The following AFF4 variants were observed in gnomAD, a reference collection of about 807,000 sequenced individuals.
AFF4 encodes AF4/FMR2 family member 4.
In AFF4, 13 loss-of-function variants were observed where a neutral mutation model predicts 124.8. The ratio of observed to expected loss-of-function variants is 0.10; its 90% CI spans 0.07 to 0.17. The LOEUF (loss-of-function observed/expected upper bound fraction) is 0.17. Ranked by LOEUF, AFF4 falls within the 10% of genes least tolerant of loss-of-function variation. The pLI is 1.00. For synonymous variants in AFF4, 477 were observed against 496.1 expected (o/e 0.96, Z 0.51); for missense variants, 1,092 against 1,403.8 (o/e 0.78, Z 3.55).
chr5:132,915,306 A>C (rs1464185048), intron 5 of AFF4, among the ~76,000 whole-genome samples: 2 of 151,894 alleles, frequency 1.3e-5, no homozygotes, highest in Admixed American at 1.3e-4. Context: ...ACACCACTGC[A>C]CTCCAGCCTG....
Position 132,884,979 on chromosome 5 carries a change from T to C in AFF4, c.3143+97A>G, listed in dbSNP as rs150403353. ...ATTTTATCAGAGATGGTTTTACTTA[T>C]TTAAAAAGTAGTCATCTTTCCATTT... On this transcript the variant is annotated intron_variant, in intron 19 of 20. Transcript: ENST00000265343. 4.7e-3 allele frequency: 3,481 copies of C among 746,538 alleles called. 24 individuals carry two copies. Among genetic ancestry groups the C allele is most frequent in the Non-Finnish European group, 3.7e-3 (1,679 of 458,772 alleles). 46.2% of individuals were successfully genotyped at this position (746,538 alleles called of 1,614,324 possible).
rs965661167 is a variant in AFF4, at chr5:132,878,838, A to C, written c.*2221T>G. The C allele has an allele frequency of 4.5e-6, 1 of 223,944 alleles. No individual in the cohort carries two copies. The highest frequency in any genetic ancestry group is 2.2e-5 in the African/African-American group (1 of 44,882). The allele number at this position is 223,944 out of a possible 1,614,324, so 13.9% of individuals were successfully genotyped here. A position where few individuals can be genotyped will look rare whatever the true frequency, so the allele number is the denominator to read the frequency against. On this transcript the variant is annotated 3_prime_UTR_variant, in exon 21 of 21. Coordinates refer to ENST00000265343, the MANE Select transcript of AFF4 (RefSeq NM_014423.4). ...CAGGACATACAAGAGACTAGAACAC[A>C]AGAACTCAGAGGTATCCCACTGGCT...
At chr5:132,895,476 A>C (rs1240405254) in intron 11 of AFF4, among the ~76,000 whole-genome samples, 1 of 152,182 alleles carries the variant, frequency 6.6e-6, no homozygotes, top group Non-Finnish European at 1.5e-5. Context: ...TTCTAAGTTT[A>C]CTTACTTGGT....
chr5:132,961,480 G>T (rs1254019655), intron 1 of AFF4, among the ~76,000 whole-genome samples: 1 of 152,064 alleles, frequency 6.6e-6, no homozygotes, highest in Admixed American at 6.6e-5. Context: ...GCCTCTCAAA[G>T]TGCTAAAGTG....
At chr5:132,896,212 T>G in intron 11 of AFF4, 111 bp downstream of exon 11, 2 of 1,323,346 alleles carry the variant, frequency 1.5e-6, no homozygotes, top group Non-Finnish European at 2.1e-6. Context: ...GTTTACCCAC[T>G]ATTTTCCTTC....
At chr5:132,907,365 C>T (rs1300100551) in intron 5 of AFF4, among the ~76,000 whole-genome samples, 2 of 152,094 alleles carry the variant, frequency 1.3e-5, no homozygotes, top group Non-Finnish European at 2.9e-5. Context: ...AAGGATGAAA[C>T]CCAAACTCTC....
intron 18 of AFF4, 50 bp downstream of exon 18, chr5:132,886,260 C>T: frequency 6.5e-7 from 1 of 1,540,522 alleles, no homozygotes; most frequent in South Asian, 1.2e-5. Flanking sequence ...GGATGGGAGA[C>T]TACAAATTCT....
chr5:132,963,238 C>CA (rs1289444382), intron 1 of AFF4, 21 bp downstream of exon 1: 1 of 391,534 alleles, frequency 2.6e-6, no homozygotes, highest in Non-Finnish European at 4.5e-6. Context: ...GGCCCTGGGT[C>CA]AGTCTGTCGG....
intron 1 of AFF4, among the ~76,000 whole-genome samples, chr5:132,960,150 A>G (rs1762051609): frequency 6.6e-6 from 1 of 152,134 alleles, no homozygotes; most frequent in South Asian, 2.1e-4. Flanking sequence ...TTCTTTCACA[A>G]TAACTGAGAC....
At chr5:132,913,615 TA>T (rs1221794617) in intron 5 of AFF4, among the ~76,000 whole-genome samples, 1 of 152,186 alleles carries the variant, frequency 6.6e-6, no homozygotes, top group African/African-American at 2.4e-5. Flanking sequence ...GGCTGATTTT[TA>T]AATTTTTGGC....
chr5:132,945,848 G>T lies in AFF4; in HGVS notation c.-4-8655C>A, dbSNP rs539683234. Among the ~76,000 whole-genome samples the T allele has an allele frequency of 3.9e-5, 6 of 152,072 alleles. No individual in the cohort carries two copies. In the East Asian group the frequency reaches 1.2e-3, roughly 29 times the overall value. The stretch of plus-strand genomic sequence containing the variant: ...GGCTGAGGCAGGCGGATCATCTGAG[G>T]TCAGGAGTTTGAGACTAGCCTGACC... On this transcript the variant is annotated intron_variant, in intron 1 of 20. Coordinates refer to ENST00000265343, the MANE Select transcript of AFF4 (RefSeq NM_014423.4).
At chr5:132,914,059 C>A (rs1034712714) in intron 5 of AFF4, among the ~76,000 whole-genome samples, 1 of 151,826 alleles carries the variant, frequency 6.6e-6, no homozygotes, top group African/African-American at 2.4e-5. Flanking sequence ...GAAACCCAGT[C>A]TCTACTAAAA....
Position 132,878,611 on chromosome 5 carries a change from A to C in AFF4, c.*2448T>G. The C allele has an allele frequency of 4.4e-6, 1 of 229,416 alleles. No homozygotes were observed. Among genetic ancestry groups the C allele is most frequent in the South Asian group, 1.8e-4 (1 of 5,500 alleles). 14.2% of individuals were successfully genotyped at this position (229,416 alleles called of 1,614,324 possible). On this transcript the variant is annotated 3_prime_UTR_variant, in exon 21 of 21. Transcript: ENST00000265343. Reference sequence around the variant, plus strand: ...CCACACACTATGACATTGAAAATTCAATCATTTATGATAGGATTTTGATCC... The same window carrying C: ...CCACACACTATGACATTGAAAATTCCATCATTTATGATAGGATTTTGATCC...
rs1313597311 is a variant in AFF4 at position 132,898,354 on chromosome 5, T to C, written c.1265A>G (p.Asp422Gly). The C allele has an allele frequency of 1.2e-6, 2 of 1,614,148 alleles. No individual in the cohort carries two copies. The highest frequency in any genetic ancestry group is 1.3e-5 in the African/African-American group (1 of 74,946). ...GCTACTAGAATCATCCCTGGAGTTA[T>C]CTGCTCCTTCACTATTATGGTGTGA... Reference protein sequence around the residue: ...EPSHHNSEGADNSRDDSSSHS... With the variant: ...EPSHHNSEGAGNSRDDSSSHS... Residue 422 changes from aspartate (D) to glycine (G), a missense_variant, in exon 10 of 21, where the codon GAT (aspartate) becomes GGT (glycine). Physicochemically the swap from Asp to Gly is moderately conservative, Grantham distance 94. Around this residue, in one of 11 missense-constraint regions of AFF4, gnomAD observed 148 missense variants for 196.3 expected, o/e 0.75. Transcript: ENST00000265343.
rs181499967 is a variant in AFF4 at position 132,888,008 on chromosome 5, G to C, written c.2797-26C>G. 1,312 of 1,612,390 alleles carry C rather than the reference G, an allele frequency of 8.1e-4. 4 individuals carry two copies. Among genetic ancestry groups the C allele is most frequent in the Non-Finnish European group, 7.1e-4 (843 of 1,179,118 alleles). Reference sequence around the variant, plus strand: ...CTGAAGAAAGGAGAATGCAAGTAATGAGTAATGATCTACTATGGCTACAAA... The same window carrying C: ...CTGAAGAAAGGAGAATGCAAGTAATCAGTAATGATCTACTATGGCTACAAA... On this transcript the variant is annotated intron_variant, in intron 15 of 20. Coordinates refer to ENST00000265343, the MANE Select transcript of AFF4 (RefSeq NM_014423.4).
chr5:132,898,049 C>T lies in AFF4; in HGVS notation c.1389+181G>A, dbSNP rs553230779. On this transcript the variant is annotated intron_variant, in intron 10 of 20. Coordinates refer to ENST00000265343, the MANE Select transcript of AFF4 (RefSeq NM_014423.4). The stretch of plus-strand genomic sequence containing the variant: ...ATGCCAAGCAGTTCCTAATCTAGAC[C>T]GAATTTGTTCAAACAACAAGGAACC... Among the ~76,000 whole-genome samples the T allele has an allele frequency of 9.9e-4, 151 of 152,272 alleles. 1 individual carries two copies. The highest frequency in any genetic ancestry group is 3.5e-3 in the African/African-American group (144 of 41,548).
chr5:132,960,251 G>A (rs957696777), intron 1 of AFF4, among the ~76,000 whole-genome samples: 7 of 152,124 alleles, frequency 4.6e-5, no homozygotes, highest in African/African-American at 1.7e-4. Flanking sequence ...TAAGGATGCA[G>A]GAGAGCTGGG....
chr5:132,920,355 C>A (rs1761014102), intron 5 of AFF4, among the ~76,000 whole-genome samples: 1 of 123,516 alleles, frequency 8.1e-6, no homozygotes, highest in Admixed American at 8.4e-5. Context: ...AGCGGGCAAA[C>A]ATTTTTTTTT....
intron 13 of AFF4, 125 bp downstream of exon 13, chr5:132,892,039 G>T: frequency 7.3e-7 from 1 of 1,377,648 alleles, no homozygotes; most frequent in South Asian, 1.2e-5. Context: ...ACATATAGAG[G>T]GTAAAAGACA....
Sources: gnomAD v4.1 joint callset for allele counts (sites outside exome capture counted in the v4.1 genomes callset) on GRCh38, gnomAD v4.1.1 for gene constraint, gnomAD v4.1.1 regional missense constraint, MANE v1.5 for transcripts, NCBI Gene and HGNC (gene_info 2026-07-23, HGNC 2026-07-21) for gene names.